The following CAMTA1 variants were observed in gnomAD, a reference collection of about 807,000 sequenced individuals.
CAMTA1 encodes calmodulin binding transcription activator 1, also known as calmodulin-binding transcription activator 1.
Under a neutral mutation model 170.9 loss-of-function variants are expected in CAMTA1, and 27 were observed. That is an observed-to-expected ratio of 0.16 (90% CI 0.12 to 0.22). The LOEUF is 0.22. Ranked by LOEUF, CAMTA1 falls within the 10% of genes least tolerant of loss-of-function variation. The probability of loss-of-function intolerance (pLI) is 1.00; values close to 1 mark genes in which losing one functional copy is unlikely to be tolerated. For synonymous variants in CAMTA1, 833 were observed against 891.5 expected (o/e 0.93, Z 1.17); for missense variants, 1,619 against 2,217.2 (o/e 0.73, Z 5.42).
In CAMTA1 at chr1:7,325,889, C is replaced by T. The variant is rs1369699114; in HGVS notation, c.438+76263C>T. On this transcript the variant is annotated intron_variant, in intron 5 of 22. Coordinates refer to ENST00000303635, the MANE Select transcript of CAMTA1 (RefSeq NM_015215.4). The surrounding 1 kb of genome is among the most constrained non-coding windows in gnomAD (Gnocchi z 5.0). ...TTGTTTGTTTTATGAGGCAGAGTCT[C>T]GCTCTGTTGCCCAGGCTGGAGGGCA... 1.3e-5 allele frequency among the ~76,000 whole-genome samples: 2 copies of T among 152,096 alleles called. No homozygotes were observed. Among genetic ancestry groups the T allele is most frequent in the Non-Finnish European group, 2.9e-5 (2 of 68,032 alleles).
intron 3 of CAMTA1, among the ~76,000 whole-genome samples, chr1:7,078,091 C>G (rs116770237): frequency 6.6e-6 from 1 of 152,132 alleles, no homozygotes; most frequent in Non-Finnish European, 1.5e-5. Flanking sequence ...ACACAAAGAC[C>G]AAGTGGATGC....
At chr1:7,568,392 C>T (rs2095072625) in intron 6 of CAMTA1, among the ~76,000 whole-genome samples, 1 of 151,096 alleles carries the variant, frequency 6.6e-6, no homozygotes, top group Non-Finnish European at 1.5e-5. Context: ...CCATCACCAC[C>T]ACCATCCATC....
chr1:7,692,647 G>T (rs1395276149), intron 11 of CAMTA1, among the ~76,000 whole-genome samples: 2 of 152,178 alleles, frequency 1.3e-5, no homozygotes, highest in African/African-American at 4.8e-5. Flanking sequence ...TCACCAGCCA[G>T]GCCCCAGGCC....
chr1:6,939,201 T>A (rs1050743643), intron 3 of CAMTA1, among the ~76,000 whole-genome samples: 2 of 152,226 alleles, frequency 1.3e-5, no homozygotes, highest in Non-Finnish European at 2.9e-5. Context: ...GATGGACATG[T>A]CATCACTAGT....
chr1:6,981,225 G>A (rs1223696165), intron 3 of CAMTA1, among the ~76,000 whole-genome samples: 2 of 152,116 alleles, frequency 1.3e-5, no homozygotes, highest in East Asian at 3.8e-4. Context: ...TGGATTCCTG[G>A]AACTTTTAGG....
chr1:7,322,778 C>A (rs961020946), intron 5 of CAMTA1, among the ~76,000 whole-genome samples: 4 of 152,160 alleles, frequency 2.6e-5, no homozygotes, highest in African/African-American at 7.2e-5. Flanking sequence ...TTAATTGTAC[C>A]TTTCTTCTTC....
chr1:7,230,790 G>A (rs1163723309), intron 4 of CAMTA1, among the ~76,000 whole-genome samples: 1 of 152,180 alleles, frequency 6.6e-6, no homozygotes, highest in East Asian at 1.9e-4. Context: ...CGGGAGCCAC[G>A]CCAGTTGGGG....
chr1:7,480,182 A>G (rs1426516628), intron 6 of CAMTA1, among the ~76,000 whole-genome samples: 1 of 103,724 alleles, frequency 9.6e-6, no homozygotes, highest in Non-Finnish European at 1.9e-5. Flanking sequence ...CTTGTGTCTC[A>G]GTGCATGTGT....
At position 7,664,828 on chromosome 1, in the gene CAMTA1, A is replaced by G. The variant is rs1406174339; in HGVS notation, c.2281A>G (p.Ser761Gly). The G allele has an allele frequency of 6.2e-7, 1 of 1,613,546 alleles. No individual in the cohort carries two copies. The highest frequency in any genetic ancestry group is 1.3e-5 in the African/African-American group (1 of 75,058). The change falls in exon 9 of 23, where the codon AGC (serine) becomes GGC (glycine). Residue 761 changes from serine (S) to glycine (G), a missense_variant. Ser to Gly is a moderately conservative substitution (Grantham distance 56). This residue lies in a region of CAMTA1 where 731 missense variants were observed against 907.6 expected (regional missense o/e 0.81). Transcript: ENST00000303635. The part of the protein sequence containing the change: ...SLGNASNMEL[S>G]LDHFDISFSN... ...CGGCAACGCCTCCAACATGGAGCTC[A>G]GCCTGGACCACTTTGACATCTCCTT... is the stretch of plus-strand genomic sequence containing the variant.
intron 5 of CAMTA1, among the ~76,000 whole-genome samples, chr1:7,287,558 A>G (rs1435113723): frequency 4.6e-5 from 7 of 152,098 alleles, no homozygotes; most frequent in Admixed American, 2.6e-4. Flanking sequence ...ATGTGCTGGT[A>G]ATAAACAAGC....
At chr1:7,341,169 A>T (rs1359356001) in intron 5 of CAMTA1, among the ~76,000 whole-genome samples, 1 of 152,176 alleles carries the variant, frequency 6.6e-6, no homozygotes, top group African/African-American at 2.4e-5. Context: ...GCTCTGGCTC[A>T]TGTTTGCTGG....
intron 6 of CAMTA1, among the ~76,000 whole-genome samples, chr1:7,492,745 GCGCACACA>G: frequency 8.9e-6 from 1 of 111,890 alleles, no homozygotes; most frequent in Middle Eastern, 6.7e-3. Context: ...ACACACACGC[GCGCACACA>G]CACACAAACC....
chr1:7,348,015 C>T (rs1374985833), intron 5 of CAMTA1, among the ~76,000 whole-genome samples: 3 of 152,118 alleles, frequency 2.0e-5, no homozygotes, highest in Admixed American at 6.5e-5. Flanking sequence ...TTTGATACAC[C>T]GTGTAGAGGA....
intron 1 of CAMTA1, among the ~76,000 whole-genome samples, chr1:6,816,071 G>A (rs1199950324): frequency 2.6e-5 from 4 of 152,112 alleles, no homozygotes; most frequent in Admixed American, 6.5e-5. Context: ...ACATTCTGAC[G>A]TAATTGGTTT....
At chr1:7,291,762 C>T (rs1050400427) in intron 5 of CAMTA1, among the ~76,000 whole-genome samples, 4 of 152,234 alleles carry the variant, frequency 2.6e-5, no homozygotes, top group South Asian at 2.1e-4. Context: ...ACTCCATTGG[C>T]GGCATTGCCC....
intron 16 of CAMTA1, among the ~76,000 whole-genome samples, chr1:7,742,083 A>G (rs1408795558): frequency 6.6e-6 from 1 of 151,994 alleles, no homozygotes; most frequent in Non-Finnish European, 1.5e-5. Context: ...TATAAAAAGA[A>G]AGATAAAAAG....
At chr1:7,177,317 G>A (rs1651059148) in intron 4 of CAMTA1, among the ~76,000 whole-genome samples, 1 of 149,456 alleles carries the variant, frequency 6.7e-6, no homozygotes, top group African/African-American at 2.5e-5. Context: ...CACACATTGA[G>A]GTATCTCCCA....
chr1:7,147,941 A>G (rs1646324402), intron 4 of CAMTA1, among the ~76,000 whole-genome samples: 1 of 150,610 alleles, frequency 6.6e-6, no homozygotes, highest in Non-Finnish European at 1.5e-5. Context: ...AAACTCATAT[A>G]CCATGCACAC....
intron 4 of CAMTA1, among the ~76,000 whole-genome samples, chr1:7,187,088 T>C (rs1321649657): frequency 2.0e-5 from 3 of 152,092 alleles, no homozygotes; most frequent in African/African-American, 2.4e-5. Context: ...AGTGAAGCCA[T>C]GCTGGTCACT....
Sources: allele counts gnomAD v4.1 joint callset (sites outside exome capture counted in the v4.1 genomes callset), GRCh38; gene constraint gnomAD v4.1.1; regional missense constraint gnomAD v4.1.1; non-coding constraint Gnocchi (gnomAD v3.1); transcripts MANE v1.5; gene names NCBI Gene and HGNC (gene_info 2026-07-23, HGNC 2026-07-21).